SARM1: variants seen among roughly 807,000 people sequenced by gnomAD.
The protein encoded by SARM1 is NAD(+) hydrolase SARM1.
SARM1 carries 60 observed loss-of-function variants against 65.1 expected under a neutral mutation model. The ratio of observed to expected loss-of-function variants is 0.92; its 90% CI spans 0.75 to 1.14. The LOEUF is 1.14. Ranked by LOEUF, SARM1 falls within the 50% of genes most tolerant of loss-of-function variation. The probability of loss-of-function intolerance (pLI) is 0.00; values close to 1 mark genes in which losing one functional copy is unlikely to be tolerated. For synonymous variants in SARM1, 417 were observed against 465.4 expected (o/e 0.90, Z 1.34); for missense variants, 913 against 1,015.7 (o/e 0.90, Z 1.37).
Position 28,388,314 on chromosome 17 carries a change from A to T in SARM1, c.1734-36A>T, listed in dbSNP as rs782078420. 2.5e-6 allele frequency: 4 copies of T among 1,607,450 alleles called. No individual in the cohort carries two copies. In the South Asian group the frequency reaches 4.4e-5, roughly 18 times the overall value. Reference sequence around the variant, plus strand: ...GGGCGGGCAGCGACGGGGCGTGGGGACAAGGCTGTGGCACTGACACAGGAC... The same window carrying T: ...GGGCGGGCAGCGACGGGGCGTGGGGTCAAGGCTGTGGCACTGACACAGGAC... On this transcript the variant is annotated intron_variant, in intron 6 of 8. Transcript: ENST00000585482.
Position 28,400,670 on chromosome 17 carries a change from A to G in SARM1, c.*4384A>G, listed in dbSNP as rs1555589364. On this transcript the variant is annotated 3_prime_UTR_variant, in exon 9 of 9. Coordinates refer to ENST00000585482, the MANE Select transcript of SARM1 (RefSeq NM_015077.4). The stretch of plus-strand genomic sequence containing the variant: ...TCCCAGGAGGAAGGGGAACCCCTTC[A>G]TAAAGTTCAGAGTGGCTGGGTAGAG... 1.9e-6 allele frequency: 3 copies of G among 1,613,506 alleles called. No homozygotes were observed. Among genetic ancestry groups the G allele is most frequent in the Non-Finnish European group, 2.5e-6 (3 of 1,179,836 alleles).
rs1555586338 is a variant in SARM1, at chr17:28,388,223, C to T, written c.1680C>T (p.Asp560=). ...GTACTGGTGGCAAACCCAGTGGGGA[C>T]ACTCCAGATGTCTTCATCAGCTACC... ...LPCTGGKPSG[D]TPDVFISYRR... is the part of the protein sequence containing the mutation. Residue 560 remains aspartate (D), a synonymous_variant, in exon 6 of 9, where the codon GAC becomes GAT. Transcript: ENST00000585482. 3.9e-6 allele frequency: 6 copies of T among 1,550,800 alleles called. No homozygotes were observed. The highest frequency in any genetic ancestry group is 5.2e-6 in the Non-Finnish European group (6 of 1,147,448).
intron 2 of SARM1, among the ~76,000 whole-genome samples, chr17:28,382,306 C>G (rs890490465): frequency 2.6e-5 from 4 of 152,192 alleles, no homozygotes; most frequent in Middle Eastern, 3.4e-3. Context: ...ATAAAGTGAA[C>G]TGGGTGAGAG....
At position 28,384,281 on chromosome 17, in the gene SARM1, GGA is replaced by G; in HGVS notation, c.1090-72_1090-71del. ...GACTTTGGGTTGTGAGAAGAGACAAGGAGAGGGACTGGGCACGTGTGGGAGCA... is the reference window on the plus strand; with the variant it reads ...GACTTTGGGTTGTGAGAAGAGACAAGGAGGGACTGGGCACGTGTGGGAGCA... On this transcript the variant is annotated intron_variant, in intron 2 of 8. Coordinates refer to ENST00000585482, the MANE Select transcript of SARM1 (RefSeq NM_015077.4). This position sits in a 1 kb window ranked among gnomAD's most constrained non-coding sequence, Gnocchi z 4.4. The G allele has an allele frequency of 8.1e-7, 1 of 1,240,316 alleles. No individual in the cohort carries two copies. The highest frequency in any genetic ancestry group is 1.1e-6 in the Non-Finnish European group (1 of 889,642). The allele number at this position is 1,240,316 out of a possible 1,614,324, so 76.8% of individuals were successfully genotyped here.
Position 28,388,133 on chromosome 17 carries a change from G to C in SARM1, c.1631-41G>C, listed in dbSNP as rs782719843. On this transcript the variant is annotated intron_variant, in intron 5 of 8. Coordinates refer to ENST00000585482, the MANE Select transcript of SARM1 (RefSeq NM_015077.4). ...TGATATACCTGACAGTGAGTGATGC[G>C]GAGGGGCCACCTTCACCATGCTGCC... 8 of 1,372,876 alleles carry C rather than the reference G, an allele frequency of 5.8e-6. No homozygotes were observed. The African/African-American group carries it at 1.0e-4, about 17-fold the overall frequency. 85.0% of individuals were successfully genotyped at this position (1,372,876 alleles called of 1,614,324 possible).
Position 28,372,089 on chromosome 17 carries a change from G to A in SARM1, c.57G>A (p.Ser19=), listed in dbSNP as rs1344576803. ...AGCTGTGTCGCTTCTTCGCCATGTC[G>A]GGCCCACGGCCGGGCGCCGAGCGGC... is the stretch of plus-strand genomic sequence containing the variant. ...AYKLCRFFAM[S]GPRPGAERLA... The change falls in exon 1 of 9, where the codon TCG becomes TCA. Residue 19 remains serine (S), a synonymous_variant. Transcript: ENST00000585482. The surrounding 1 kb of genome is among the most constrained non-coding windows in gnomAD (Gnocchi z 5.2). 2 of 1,494,346 alleles carry A rather than the reference G, an allele frequency of 1.3e-6. No individual in the cohort carries two copies. Among genetic ancestry groups the A allele is most frequent in the East Asian group, 2.9e-5 (1 of 34,700 alleles). 92.6% of individuals were successfully genotyped at this position (1,494,346 alleles called of 1,614,324 possible).
intron 5 of SARM1, among the ~76,000 whole-genome samples, chr17:28,386,396 A>G (rs1240702382): frequency 6.6e-6 from 1 of 151,972 alleles, no homozygotes; most frequent in African/African-American, 2.4e-5. Context: ...AAGATATAGA[A>G]TATTTCCATC....
intron 1 of SARM1, among the ~76,000 whole-genome samples, chr17:28,380,368 A>G (rs2068015457): frequency 6.6e-6 from 1 of 152,182 alleles, no homozygotes; most frequent in African/African-American, 2.4e-5. Context: ...ATTTGCACAC[A>G]GGGATTTCTT....
Position 28,381,912 on chromosome 17 carries a change from ATACACATCAGAAT to A in SARM1, c.1089+94_1089+106del. The A allele has an allele frequency of 2.2e-6, 3 of 1,344,720 alleles. No homozygotes were observed. The South Asian group carries it at 5.5e-5, about 25-fold the overall frequency. The allele number at this position is 1,344,720 out of a possible 1,614,324, so 83.3% of individuals were successfully genotyped here. On this transcript the variant is annotated intron_variant, in intron 2 of 8. Transcript: ENST00000585482. Reference sequence around the variant, plus strand: ...AAGTCACATTCAACCGGGTCTTGAAATACACATCAGAATTAGATGAAGCAAGACAAAGGAGGAG... The same window carrying A: ...AAGTCACATTCAACCGGGTCTTGAAATAGATGAAGCAAGACAAAGGAGGAG...
At chr17:28,393,442 T>G (rs567530589) in intron 7 of SARM1, among the ~76,000 whole-genome samples, 4 of 152,128 alleles carry the variant, frequency 2.6e-5, no homozygotes. Context: ...TCCCAGCTAC[T>G]TGGGAGGCTG....
intron 1 of SARM1, chr17:28,373,646 G>A (rs2067970786): frequency 6.6e-6 from 1 of 152,138 alleles, no homozygotes; most frequent in African/African-American, 2.4e-5. Flanking sequence ...GAATTTGGAG[G>A]GGGTAGCAAA....
At position 28,399,667 on chromosome 17, in the gene SARM1, G is replaced by A. The variant is rs1413520294; in HGVS notation, c.*3381G>A. 5 of 1,613,842 alleles carry A rather than the reference G, an allele frequency of 3.1e-6. No individual in the cohort carries two copies. The highest frequency in any genetic ancestry group is 1.3e-5 in the African/African-American group (1 of 74,906). On this transcript the variant is annotated 3_prime_UTR_variant, in exon 9 of 9. Transcript: ENST00000585482. ...CTGGTCCAGGCAGATCAGGGGCTCT[G>A]GGGAAACTGCTGGAACTCGAGGTGA...
In SARM1 at chr17:28,372,614, C is replaced by A; in HGVS notation, c.470+112C>A. 3 of 749,558 alleles carry A rather than the reference C, an allele frequency of 4.0e-6. No individual in the cohort carries two copies. Among genetic ancestry groups the A allele is most frequent in the East Asian group, 3.2e-5 (1 of 31,432 alleles). 46.4% of individuals were successfully genotyped at this position (749,558 alleles called of 1,614,324 possible). A position where few individuals can be genotyped will look rare whatever the true frequency, so the allele number is the denominator to read the frequency against. On this transcript the variant is annotated intron_variant, in intron 1 of 8. Coordinates refer to ENST00000585482, the MANE Select transcript of SARM1 (RefSeq NM_015077.4). The surrounding 1 kb of genome is among the most constrained non-coding windows in gnomAD (Gnocchi z 5.2). ...TTGCCTCCCTCACCTCTCTGACTGC[C>A]TGCACTACATCTCTGTTAGGGGTCA... is the stretch of plus-strand genomic sequence containing the variant.
chr17:28,391,939 C>T (rs1336733840), intron 7 of SARM1, among the ~76,000 whole-genome samples: 1 of 149,930 alleles, frequency 6.7e-6, no homozygotes, highest in Non-Finnish European at 1.5e-5. Context: ...AGGCTGGTCC[C>T]GAACTCCTGA....
rs185918175 is a variant in SARM1 at position 28,400,419 on chromosome 17, G to A, written c.*4133G>A. The A allele has an allele frequency of 1.6e-4, 102 of 645,836 alleles. No individual in the cohort carries two copies. The highest frequency in any genetic ancestry group is 1.1e-3 in the African/African-American group (61 of 54,750). 40.0% of individuals were successfully genotyped at this position (645,836 alleles called of 1,614,324 possible). ...GCCTGATCCTTCCTCCACCTAGCTC[G>A]CCATCTCGCCCTTGGAAAATGGCTC... On this transcript the variant is annotated 3_prime_UTR_variant, in exon 9 of 9. Coordinates refer to ENST00000585482, the MANE Select transcript of SARM1 (RefSeq NM_015077.4).
At position 28,381,785 on chromosome 17, in the gene SARM1, C is replaced by A. The variant is rs1041969563; in HGVS notation, c.1053C>A (p.Ala351=). 2 of 1,458,986 alleles carry A rather than the reference C, an allele frequency of 1.4e-6. No individual in the cohort carries two copies. Among genetic ancestry groups the A allele is most frequent in the Non-Finnish European group, 1.8e-6 (2 of 1,104,164 alleles). 90.4% of individuals were successfully genotyped at this position (1,458,986 alleles called of 1,614,324 possible). The stretch of plus-strand genomic sequence containing the variant: ...GCATCGGGGCTTTCTACCTCTGCGC[C>A]GAGGCTGCCATCAAGAGCCTGCAAG... ...AQCIGAFYLC[A]EAAIKSLQGK... Residue 351 remains alanine (A), a synonymous_variant, in exon 2 of 9, where the codon GCC becomes GCA. Transcript: ENST00000585482.
chr17:28,395,917 G>T lies in SARM1; in HGVS notation c.1936G>T (p.Ala646Ser), dbSNP rs782676389. 9 of 1,613,874 alleles carry T rather than the reference G, an allele frequency of 5.6e-6. No homozygotes were observed. The highest frequency in any genetic ancestry group is 1.7e-5 in the Admixed American group (1 of 60,014). The change falls in exon 8 of 9, where the codon GCT becomes TCT. Residue 646 changes from alanine to serine, a missense_variant. Transcript: ENST00000585482. ...KDWVHKEIVT[A>S]LSCGKNIVPI... ...TTTCTTTCTCCAGGAGATTGTGACT[G>T]CTTTAAGCTGCGGCAAGAACATTGT...
In SARM1 at chr17:28,399,925, G is replaced by T; in HGVS notation, c.*3639G>T. ...TTTTTTTTTTAAGAGACAGGGTCTT[G>T]CTCTGTTGTCCAGGCTGGAGGGCAG... On this transcript the variant is annotated 3_prime_UTR_variant, in exon 9 of 9. Transcript: ENST00000585482. 1.8e-6 allele frequency: 1 copy of T among 555,094 alleles called. No individual in the cohort carries two copies. The highest frequency in any genetic ancestry group is 3.2e-6 in the Non-Finnish European group (1 of 308,628). 34.4% of individuals were successfully genotyped at this position (555,094 alleles called of 1,614,324 possible).
Position 28,372,646 on chromosome 17 carries a change from C to A in SARM1, c.470+144C>A. 1.6e-6 allele frequency: 1 copy of A among 629,930 alleles called. No homozygotes were observed. Among genetic ancestry groups the A allele is most frequent in the East Asian group, 3.3e-5 (1 of 30,188 alleles). 39.0% of individuals were successfully genotyped at this position (629,930 alleles called of 1,614,324 possible). ...ACATCTCTGTTAGGGGTCAGCCTGT[C>A]TGTTTCACAGATAAGGAAACTGAGC... On this transcript the variant is annotated intron_variant, in intron 1 of 8. Coordinates refer to ENST00000585482, the MANE Select transcript of SARM1 (RefSeq NM_015077.4). The surrounding 1 kb of genome is among the most constrained non-coding windows in gnomAD (Gnocchi z 5.2).
Sources: gnomAD v4.1 joint callset for allele counts (sites outside exome capture counted in the v4.1 genomes callset) on GRCh38, gnomAD v4.1.1 for gene constraint, Gnocchi (gnomAD v3.1) non-coding constraint, MANE v1.5 for transcripts, NCBI Gene and HGNC (gene_info 2026-07-23, HGNC 2026-07-21) for gene names.